The following CPNE8 variants were observed in gnomAD, a reference collection of about 807,000 sequenced individuals.
The protein encoded by CPNE8 is copine 8, also known as copine-8.
CPNE8 carries 45 observed loss-of-function variants against 81.5 expected under a neutral mutation model. The observed-to-expected ratio is 0.55, with a 90% CI of 0.44 to 0.71. The LOEUF is 0.71. Among genes scored for constraint, CPNE8 ranks in the 30% least tolerant of loss-of-function variants. CPNE8 has a pLI of 0.00. For synonymous variants in CPNE8, 252 were observed against 226.3 expected (o/e 1.11, Z -1.02); for missense variants, 594 against 672.1 (o/e 0.88, Z 1.28).
chr12:38,680,130 T>C (rs1939378261), intron 16 of CPNE8, among the ~76,000 whole-genome samples: 1 of 151,932 alleles, frequency 6.6e-6, no homozygotes, highest in Non-Finnish European at 1.5e-5. Flanking sequence ...GGCAGTACAA[T>C]TCAAACACAT....
At chr12:38,716,216 A>G (rs1484313282) in intron 13 of CPNE8, among the ~76,000 whole-genome samples, 1 of 152,104 alleles carries the variant, frequency 6.6e-6, no homozygotes, top group Non-Finnish European at 1.5e-5. Flanking sequence ...GGAAATGACC[A>G]TACTGCCCAA....
At chr12:38,807,781 A>G (rs1942845349) in intron 6 of CPNE8, among the ~76,000 whole-genome samples, 1 of 151,854 alleles carries the variant, frequency 6.6e-6, no homozygotes, top group South Asian at 2.1e-4. Context: ...GAGCTTCTGC[A>G]CAGCAAAAGA....
intron 10 of CPNE8, among the ~76,000 whole-genome samples, chr12:38,757,895 C>T (rs960994696): frequency 3.3e-5 from 5 of 151,936 alleles, no homozygotes; most frequent in African/African-American, 1.2e-4. Context: ...CAGTCTTTAA[C>T]TCCCTAGACT....
At chr12:38,807,914 C>A (rs1311034950) in intron 6 of CPNE8, among the ~76,000 whole-genome samples, 1 of 151,518 alleles carries the variant, frequency 6.6e-6, no homozygotes, top group Non-Finnish European at 1.5e-5. Context: ...AAGAAAAAAA[C>A]AAACAACCCC....
chr12:38,722,406 G>A (rs1388230388), intron 13 of CPNE8, among the ~76,000 whole-genome samples: 1 of 152,022 alleles, frequency 6.6e-6, no homozygotes, highest in African/African-American at 2.4e-5. Flanking sequence ...TTGCTTGTTT[G>A]TTTGCTTTGT....
chr12:38,786,944 C>A (rs984657108), intron 6 of CPNE8, among the ~76,000 whole-genome samples: 22 of 152,190 alleles, frequency 1.4e-4, no homozygotes, highest in African/African-American at 4.8e-4. Context: ...ACTGAAGCAT[C>A]CAGATATATA....
chr12:38,685,428 A>G (rs1939511077), intron 16 of CPNE8, 62 bp downstream of exon 16: 2 of 1,542,102 alleles, frequency 1.3e-6, no homozygotes, highest in Non-Finnish European at 1.8e-6. Context: ...GCTAGCAACA[A>G]TGTTATGAGT....
intron 10 of CPNE8, among the ~76,000 whole-genome samples, chr12:38,756,631 T>C (rs1941466040): frequency 6.6e-6 from 1 of 152,196 alleles, no homozygotes. Flanking sequence ...GCCTTATTGG[T>C]TTTCTATGAG....
At chr12:38,703,315 A>T (rs1386049990) in intron 13 of CPNE8, among the ~76,000 whole-genome samples, 2 of 152,138 alleles carry the variant, frequency 1.3e-5, no homozygotes, top group African/African-American at 2.4e-5. Flanking sequence ...CATGTCCTTT[A>T]AAGTGTTGCA....
chr12:38,741,925 G>A lies in CPNE8; in HGVS notation c.723-11567C>T, dbSNP rs541000156. 9.9e-5 allele frequency among the ~76,000 whole-genome samples: 15 copies of A among 152,282 alleles called. No individual in the cohort carries two copies. The South Asian group carries it at 2.9e-3, about 29-fold the overall frequency. ...GCAGCCAACAGACACATGAAAAAAT[G>A]CTCATCATCACTTGCCATCAGAGAA... On this transcript the variant is annotated intron_variant, in intron 10 of 19. Coordinates refer to ENST00000331366, the MANE Select transcript of CPNE8 (RefSeq NM_153634.3).
chr12:38,695,300 T>C (rs1306415629), intron 14 of CPNE8, among the ~76,000 whole-genome samples: 1 of 152,142 alleles, frequency 6.6e-6, no homozygotes, highest in Non-Finnish European at 1.5e-5. Context: ...AGCCCTATCT[T>C]CCAGTCTCCG....
chr12:38,760,745 A>G (rs995530417), intron 10 of CPNE8, 102 bp downstream of exon 10: 12 of 915,294 alleles, frequency 1.3e-5, no homozygotes, highest in Non-Finnish European at 2.1e-5. Context: ...AACAAAACAA[A>G]TATGCCATCT....
chr12:38,762,250 T>C (rs967041386), intron 8 of CPNE8, 34 bp from the exon 9 acceptor site: 2 of 1,247,898 alleles, frequency 1.6e-6, no homozygotes, highest in Middle Eastern at 1.9e-4. Flanking sequence ...ATTTGCATGC[T>C]TTGACTATTT....
At chr12:38,864,960 G>A (rs1192755190) in intron 3 of CPNE8, among the ~76,000 whole-genome samples, 7 of 152,118 alleles carry the variant, frequency 4.6e-5, no homozygotes, top group Non-Finnish European at 8.8e-5. Flanking sequence ...TGCAAGATAC[G>A]CAAGCAACAA....
At chr12:38,896,678 C>A (rs1944393178) in intron 1 of CPNE8, among the ~76,000 whole-genome samples, 1 of 152,048 alleles carries the variant, frequency 6.6e-6, no homozygotes, top group African/African-American at 2.4e-5. Context: ...CAGAAGTGGG[C>A]CTATGGGGTG....
chr12:38,662,296 A>G (rs1040386588), intron 19 of CPNE8, among the ~76,000 whole-genome samples: 2 of 152,192 alleles, frequency 1.3e-5, no homozygotes, highest in African/African-American at 4.8e-5. Context: ...CTAATAAGTG[A>G]ATTCAGAAAA....
At chr12:38,743,272 A>G (rs765577179) in intron 10 of CPNE8, among the ~76,000 whole-genome samples, 9 of 152,132 alleles carry the variant, frequency 5.9e-5, no homozygotes, top group Admixed American at 3.9e-4. Flanking sequence ...CATGAAATAG[A>G]TTTAATAAAG....
rs56256848 is a variant in CPNE8, at chr12:38,717,460, C to A, written c.914+6312G>T. Among the ~76,000 whole-genome samples, 160 of 43,142 alleles carry A rather than the reference C, an allele frequency of 3.7e-3. 6 individuals are homozygous for A. The highest frequency in any genetic ancestry group is 7.4e-3 in the Non-Finnish European group (133 of 18,036). The allele number at this position is 43,142 out of a possible 152,430, so 28.3% of individuals were successfully genotyped here. A position where few individuals can be genotyped will look rare whatever the true frequency, so the allele number is the denominator to read the frequency against. Reference sequence around the variant, plus strand: ...ATATATATATATATATATATATATACACCATGGAATACTACTCAGTCATTA... The same window carrying A: ...ATATATATATATATATATATATATAAACCATGGAATACTACTCAGTCATTA... On this transcript the variant is annotated intron_variant, in intron 13 of 19. Transcript: ENST00000331366.
chr12:38,833,669 G>A (rs1397041138), intron 5 of CPNE8, among the ~76,000 whole-genome samples: 4 of 151,612 alleles, frequency 2.6e-5, no homozygotes, highest in African/African-American at 7.3e-5. Context: ...TAGTAGAGAC[G>A]GGGTTTCACC....
Sources: allele counts gnomAD v4.1 joint callset (sites outside exome capture counted in the v4.1 genomes callset), GRCh38; gene constraint gnomAD v4.1.1; transcripts MANE v1.5; gene names NCBI Gene and HGNC (gene_info 2026-07-23, HGNC 2026-07-21).